The following FUT8 variants were observed in gnomAD, a reference collection of about 807,000 sequenced individuals.
FUT8 encodes the protein fucosyltransferase 8.
FUT8 carries 29 observed loss-of-function variants against 71.3 expected under a neutral mutation model. The ratio of observed to expected loss-of-function variants is 0.41; its 90% CI spans 0.30 to 0.55. The LOEUF is 0.55. FUT8 is among the 20% of genes least tolerant of loss of function. FUT8 has a pLI of 0.34. For missense variants in FUT8, 544 were observed against 702.1 expected, an observed-to-expected ratio of 0.77 and a Z score of 2.55; for synonymous variants, 254 against 239.3, an observed-to-expected ratio of 1.06 and a Z score of -0.57.
chr14:65,651,479 C>A (rs1330097637), intron 6 of FUT8, among the ~76,000 whole-genome samples: 1 of 152,178 alleles, frequency 6.6e-6, no homozygotes, highest in Non-Finnish European at 1.5e-5. Flanking sequence ...AAAATTTAAA[C>A]AACAGAGTCT....
chr14:65,457,160 A>G (rs1041559294), intron 2 of FUT8, among the ~76,000 whole-genome samples: 3 of 152,188 alleles, frequency 2.0e-5, no homozygotes, highest in Non-Finnish European at 2.9e-5. Context: ...CCCATTAGTC[A>G]ACCTTTCTTC....
intron 6 of FUT8, among the ~76,000 whole-genome samples, chr14:65,667,558 T>C (rs1892277126): frequency 6.6e-6 from 1 of 152,168 alleles, no homozygotes; most frequent in South Asian, 2.1e-4. Flanking sequence ...TCCAGGCTCA[T>C]GGGTAGGAAG....
In FUT8 at chr14:65,607,662, A is replaced by G. The variant is rs1191289759; in HGVS notation, c.204-8316A>G. On this transcript the variant is annotated intron_variant, in intron 3 of 10. Transcript: ENST00000673929. This position sits in a 1 kb window ranked among gnomAD's most constrained non-coding sequence, Gnocchi z 4.1. ...CTTTGTTATCCTTGTCTACTTCTATATCAATCTTATACTAATCTCAGGAAT... is the reference window on the plus strand; with the variant it reads ...CTTTGTTATCCTTGTCTACTTCTATGTCAATCTTATACTAATCTCAGGAAT... Among the ~76,000 whole-genome samples, 1 of 151,900 alleles carries G rather than the reference A, an allele frequency of 6.6e-6. No homozygotes were observed. The highest frequency in any genetic ancestry group is 1.9e-4 in the East Asian group (1 of 5,202).
chr14:65,648,165 T>C (rs1332453284), intron 6 of FUT8, among the ~76,000 whole-genome samples: 1 of 152,244 alleles, frequency 6.6e-6, no homozygotes. Flanking sequence ...AGTTGCAAAG[T>C]TGAATAATTT....
intron 2 of FUT8, among the ~76,000 whole-genome samples, chr14:65,510,267 A>G (rs1264774476): frequency 6.6e-6 from 1 of 152,146 alleles, no homozygotes; most frequent in African/African-American, 2.4e-5. Context: ...CTGGTGTCCC[A>G]GGGATAAATC....
chr14:65,713,643 A>G (rs1345016084), intron 7 of FUT8, among the ~76,000 whole-genome samples: 1 of 152,054 alleles, frequency 6.6e-6, no homozygotes, highest in Admixed American at 6.5e-5. Flanking sequence ...GATGCTGAGC[A>G]CCTCTTCATA....
At chr14:65,727,958 G>A (rs558011308) in intron 9 of FUT8, among the ~76,000 whole-genome samples, 1 of 152,240 alleles carries the variant, frequency 6.6e-6, no homozygotes, top group Admixed American at 6.5e-5. Flanking sequence ...ACAAAATGCT[G>A]CCAGTCTCTT....
the FUT8 span, among the ~76,000 whole-genome samples, chr14:65,380,328 G>A: frequency 6.6e-5 from 10 of 152,150 alleles, no homozygotes; most frequent in African/African-American, 1.7e-4. Context: ...ACCTCCCCCC[G>A]GGTCCCTCCC....
chr14:65,464,774 G>T (rs1427488979), intron 2 of FUT8, among the ~76,000 whole-genome samples: 1 of 152,114 alleles, frequency 6.6e-6, no homozygotes, highest in Non-Finnish European at 1.5e-5. Context: ...GTTCATGAAA[G>T]ATATTGTTCT....
intron 2 of FUT8, among the ~76,000 whole-genome samples, chr14:65,536,320 C>T (rs1884309494): frequency 6.6e-6 from 1 of 152,098 alleles, no homozygotes; most frequent in South Asian, 2.1e-4. Flanking sequence ...ATTATACCTA[C>T]TTGTTTGTGT....
chr14:65,381,231 T>C, the FUT8 span, among the ~76,000 whole-genome samples: 66 of 152,364 alleles, frequency 4.3e-4, 2 homozygotes, highest in South Asian at 0.013. Flanking sequence ...GCTTTTTCTC[T>C]TTCTTAAATG....
At chr14:65,535,858 T>C (rs1240521558) in intron 2 of FUT8, among the ~76,000 whole-genome samples, 1 of 152,184 alleles carries the variant, frequency 6.6e-6, no homozygotes, top group Non-Finnish European at 1.5e-5. Flanking sequence ...CTCAATGATC[T>C]GTCTAATACT....
chr14:65,588,709 GAT>G (rs10572775), intron 3 of FUT8, among the ~76,000 whole-genome samples: 53,629 of 151,984 alleles, frequency 0.35, 11,756 homozygotes, highest in Non-Finnish European at 0.49. Context: ...CTGAAAATAA[GAT>G]ATTTTGAGAG....
intron 2 of FUT8, among the ~76,000 whole-genome samples, chr14:65,541,112 C>T (rs1192448342): frequency 6.6e-6 from 1 of 151,998 alleles, no homozygotes; most frequent in Non-Finnish European, 1.5e-5. Flanking sequence ...TGTCTTATCT[C>T]AAAATGTTGG....
In FUT8 at chr14:65,695,436, G is replaced by GT. The variant is rs1459903082; in HGVS notation, c.835+25962dup. On this transcript the variant is annotated intron_variant, in intron 7 of 10. Coordinates refer to ENST00000673929, the MANE Select transcript of FUT8 (RefSeq NM_001371533.1). ...GCTGTCTATTGCTGATAATTTTTTT[G>GT]TTTTTTGTTCATTTTTTTAAAAACT... 3.3e-5 allele frequency among the ~76,000 whole-genome samples: 5 copies of GT among 151,898 alleles called. No individual in the cohort carries two copies. The East Asian group carries it at 7.7e-4, about 24-fold the overall frequency.
chr14:65,663,822 TTAGGTTCTAGTCAAACTC>T (rs1841980201), intron 6 of FUT8, among the ~76,000 whole-genome samples: 1 of 152,118 alleles, frequency 6.6e-6, no homozygotes, highest in Non-Finnish European at 1.5e-5. Context: ...GCTCAAAGCT[TTAGGTTCTAGTCAAACTC>T]TGTTCTCAAC....
At position 65,638,117 on chromosome 14, in the gene FUT8, C is replaced by T. The variant is rs1239167052; in HGVS notation, c.597+8511C>T. Among the ~76,000 whole-genome samples the T allele has an allele frequency of 6.6e-6, 1 of 152,212 alleles. No individual in the cohort carries two copies. Among genetic ancestry groups the T allele is most frequent in the Non-Finnish European group, 1.5e-5 (1 of 68,036 alleles). On this transcript the variant is annotated intron_variant, in intron 6 of 10. Transcript: ENST00000673929. This position sits in a 1 kb window ranked among gnomAD's most constrained non-coding sequence, Gnocchi z 4.5. ...TGGCACAAGGTGAAGTTCGTAACCACATTTCTTCTGGTTAGCTGCAGAAGC... is the reference window on the plus strand; with the variant it reads ...TGGCACAAGGTGAAGTTCGTAACCATATTTCTTCTGGTTAGCTGCAGAAGC...
intron 8 of FUT8, among the ~76,000 whole-genome samples, chr14:65,723,897 T>C (rs1336374347): frequency 6.6e-6 from 1 of 152,252 alleles, no homozygotes; most frequent in Middle Eastern, 3.2e-3. Flanking sequence ...ATTTTCTCTA[T>C]AAGAAATCAT....
At chr14:65,680,232 TC>T (rs1892972363) in intron 7 of FUT8, among the ~76,000 whole-genome samples, 1 of 152,186 alleles carries the variant, frequency 6.6e-6, no homozygotes, top group East Asian at 1.9e-4. Flanking sequence ...TGATTCCAGT[TC>T]AAGCCTGAAG....
Sources: allele counts gnomAD v4.1 joint callset (sites outside exome capture counted in the v4.1 genomes callset), GRCh38; gene constraint gnomAD v4.1.1; non-coding constraint Gnocchi (gnomAD v3.1); transcripts MANE v1.5; gene names NCBI Gene and HGNC (gene_info 2026-07-23, HGNC 2026-07-21).